Variants in SYNPO2 observed in about 807,000 individuals in gnomAD.
SYNPO2 encodes the protein synaptopodin-2.
A neutral mutation model predicts 85.0 loss-of-function variants in SYNPO2; 56 were observed. That is an observed-to-expected ratio of 0.66 (90% CI 0.53 to 0.82). The LOEUF is 0.82. Among genes scored for constraint, SYNPO2 ranks in the 40% least tolerant of loss-of-function variants. The probability of loss-of-function intolerance (pLI) is 0.00; values close to 1 mark genes in which losing one functional copy is unlikely to be tolerated. For synonymous variants in SYNPO2, 602 were observed against 591.1 expected (o/e 1.02, Z -0.27); for missense variants, 1,575 against 1,534.2 (o/e 1.03, Z -0.44).
intron 1 of SYNPO2, among the ~76,000 whole-genome samples, chr4:118,921,414 T>C (rs1052777161): frequency 1.3e-5 from 2 of 152,162 alleles, no homozygotes; most frequent in African/African-American, 4.8e-5. Flanking sequence ...CAGGCTGACG[T>C]ATCTAGAACA....
At chr4:119,036,962 T>A (rs1738539427) in intron 4 of SYNPO2, 1 of 1,296,116 alleles carries the variant, frequency 7.7e-7, no homozygotes, top group African/African-American at 1.5e-5. Flanking sequence ...TCCTACAGGG[T>A]CCTAGAGTTT....
intron 1 of SYNPO2, among the ~76,000 whole-genome samples, chr4:119,010,602 T>C (rs1454856158): frequency 1.3e-5 from 2 of 152,192 alleles, no homozygotes; most frequent in Admixed American, 6.5e-5. Flanking sequence ...CTGTCTCCTT[T>C]GAGAAGCCTT....
intron 1 of SYNPO2, among the ~76,000 whole-genome samples, chr4:118,990,718 C>T (rs534693647): frequency 1.3e-5 from 2 of 152,308 alleles, no homozygotes; most frequent in South Asian, 2.1e-4. Context: ...AAGCGATGCT[C>T]GTGCCTCAGC....
chr4:119,020,300 G>C (rs1250051270), intron 1 of SYNPO2, among the ~76,000 whole-genome samples: 2 of 152,158 alleles, frequency 1.3e-5, no homozygotes, highest in Non-Finnish European at 1.5e-5. Flanking sequence ...CACAGCAGTT[G>C]ATTGTGAATG....
At chr4:118,863,574 A>C (rs1045459972) in intron 1 of SYNPO2, among the ~76,000 whole-genome samples, 9 of 150,832 alleles carry the variant, frequency 6.0e-5, no homozygotes, top group Non-Finnish European at 1.2e-4. Context: ...AATGTTTGTC[A>C]ATTTTGCTTA....
At chr4:118,894,173 T>C (rs1459737991) in intron 1 of SYNPO2, among the ~76,000 whole-genome samples, 4 of 151,688 alleles carry the variant, frequency 2.6e-5, no homozygotes, top group Non-Finnish European at 5.9e-5. Flanking sequence ...TGAGGCCAGA[T>C]AGGTCCCCAT....
chr4:118,942,648 C>G (rs1291359833), intron 1 of SYNPO2, among the ~76,000 whole-genome samples: 1 of 152,052 alleles, frequency 6.6e-6, no homozygotes, highest in Non-Finnish European at 1.5e-5. Flanking sequence ...CTGTGTCAGC[C>G]AATGGTTCTT....
At chr4:118,972,852 A>G (rs1483941199) in intron 1 of SYNPO2, among the ~76,000 whole-genome samples, 1 of 152,204 alleles carries the variant, frequency 6.6e-6, no homozygotes, top group Non-Finnish European at 1.5e-5. Context: ...AGTGTCTTTC[A>G]TTTGAAAATT....
chr4:118,913,563 TTGTGTGTGTGTGTG>T (rs10686830), intron 1 of SYNPO2, among the ~76,000 whole-genome samples: 3 of 147,272 alleles, frequency 2.0e-5, no homozygotes, highest in Non-Finnish European at 3.0e-5. Flanking sequence ...CATTTATTGT[TTGTGTGTGTGTGTG>T]TGTGTGTGTG....
At chr4:118,889,975 C>G (rs1578521655) in intron 1 of SYNPO2, among the ~76,000 whole-genome samples, 1 of 152,284 alleles carries the variant, frequency 6.6e-6, no homozygotes, top group East Asian at 1.9e-4. Context: ...ACCTTATCAT[C>G]AAATTGCAAA....
At chr4:118,860,244 G>A (rs1009297133) in intron 1 of SYNPO2, among the ~76,000 whole-genome samples, 4 of 151,818 alleles carry the variant, frequency 2.6e-5, no homozygotes, top group Non-Finnish European at 5.9e-5. Context: ...CAACCCCCCC[G>A]CCACTTCACT....
chr4:118,999,091 ATAATGTATG>A (rs1560962030), intron 1 of SYNPO2, among the ~76,000 whole-genome samples: 1 of 152,186 alleles, frequency 6.6e-6, no homozygotes, highest in East Asian at 1.9e-4. Context: ...AGGATTAGAG[ATAATGTATG>A]TAAAGTGAAA....
intron 1 of SYNPO2, among the ~76,000 whole-genome samples, chr4:118,925,691 C>T (rs1048314643): frequency 7.2e-5 from 11 of 152,034 alleles, no homozygotes; most frequent in African/African-American, 1.7e-4. Flanking sequence ...TTAAAATCAG[C>T]GGGTCAGTTT....
intron 1 of SYNPO2, among the ~76,000 whole-genome samples, chr4:118,954,967 C>A (rs1734820543): frequency 6.6e-6 from 1 of 151,462 alleles, no homozygotes; most frequent in African/African-American, 2.4e-5. Context: ...TGACTTGCAC[C>A]AGACAGTCTG....
chr4:118,879,037 C>G (rs555115575), intron 1 of SYNPO2, among the ~76,000 whole-genome samples: 1 of 152,158 alleles, frequency 6.6e-6, no homozygotes, highest in Non-Finnish European at 1.5e-5. Flanking sequence ...GAATGAACAA[C>G]TCCGGAGGCA....
At chr4:118,887,804 T>C (rs962417206), upstream of SYNPO2, among the ~76,000 whole-genome samples, 9 of 152,208 alleles carry the variant, frequency 5.9e-5, no homozygotes, top group Admixed American at 2.6e-4. Context: ...ACTTACTGTA[T>C]ATAGTGCTTC....
intron 1 of SYNPO2, among the ~76,000 whole-genome samples, chr4:118,940,001 T>C (rs1734248407): frequency 6.6e-6 from 1 of 150,932 alleles, no homozygotes; most frequent in African/African-American, 2.4e-5. Context: ...TTTTGTTTTT[T>C]TTTGAGATGG....
At chr4:118,988,508 G>A (rs1027957953) in intron 1 of SYNPO2, among the ~76,000 whole-genome samples, 3 of 152,080 alleles carry the variant, frequency 2.0e-5, no homozygotes, top group African/African-American at 7.2e-5. Context: ...CAGGACATTT[G>A]GATTCTGTTT....
intron 1 of SYNPO2, among the ~76,000 whole-genome samples, chr4:118,879,256 C>T (rs141031760): frequency 2.6e-5 from 4 of 152,188 alleles, no homozygotes; most frequent in Non-Finnish European, 5.9e-5. Flanking sequence ...ACCATGAACC[C>T]ACTGGAATGA....
Sources: allele counts gnomAD v4.1 joint callset (sites outside exome capture counted in the v4.1 genomes callset), GRCh38; gene constraint gnomAD v4.1.1; transcripts MANE v1.5; gene names NCBI Gene and HGNC (gene_info 2026-07-23, HGNC 2026-07-21).